The following ASIC2 variants were observed in gnomAD, a reference collection of about 807,000 sequenced individuals.
ASIC2 encodes acid-sensing ion channel 2.
In ASIC2, 25 loss-of-function variants were observed where a neutral mutation model predicts 57.3. The observed-to-expected ratio is 0.44, with a 90% confidence interval of 0.32 to 0.61. The LOEUF (loss-of-function observed/expected upper bound fraction) is 0.61. Among genes scored for constraint, ASIC2 ranks in the 20% least tolerant of loss-of-function variants. ASIC2 has a pLI of 0.06. For missense variants in ASIC2, 641 were observed against 738.1 expected, an observed-to-expected ratio of 0.87 and a Z score of 1.52; for synonymous variants, 319 against 307.5, an observed-to-expected ratio of 1.04 and a Z score of -0.39.
intron 1 of ASIC2, among the ~76,000 whole-genome samples, chr17:33,115,008 C>T (rs1454627744): frequency 6.6e-6 from 1 of 152,186 alleles, no homozygotes; most frequent in Admixed American, 6.5e-5. Context: ...GAATTGAAGG[C>T]TTTCCCTGTC....
intron 1 of ASIC2, among the ~76,000 whole-genome samples, chr17:33,379,913 T>C (rs536298934): frequency 1.1e-3 from 165 of 152,192 alleles, no homozygotes; most frequent in Non-Finnish European, 1.6e-3. Flanking sequence ...GAATTGAGTG[T>C]CTTGCACAGA....
At chr17:33,956,438 C>A (rs969094426) in intron 1 of ASIC2, among the ~76,000 whole-genome samples, 2 of 152,150 alleles carry the variant, frequency 1.3e-5, no homozygotes, top group Non-Finnish European at 2.9e-5. Flanking sequence ...GAAGGTGTCA[C>A]GGAAGCTCTG....
chr17:33,628,124 G>A (rs769434707), intron 1 of ASIC2, among the ~76,000 whole-genome samples: 2 of 152,206 alleles, frequency 1.3e-5, no homozygotes, highest in Non-Finnish European at 2.9e-5. Context: ...AGAAGCCAAA[G>A]GATGCCAATG....
At chr17:34,065,252 T>C (rs982845038) in intron 1 of ASIC2, among the ~76,000 whole-genome samples, 4 of 152,188 alleles carry the variant, frequency 2.6e-5, no homozygotes, top group Non-Finnish European at 4.4e-5. Context: ...TGGAGACTAT[T>C]ATTCTAGGCG....
At chr17:33,076,210 A>G (rs142036080) in intron 3 of ASIC2, among the ~76,000 whole-genome samples, 92 of 152,320 alleles carry the variant, frequency 6.0e-4, no homozygotes, top group Non-Finnish European at 1.0e-3. Flanking sequence ...AAAAAGGGAA[A>G]CTTCTGAGCC....
chr17:33,870,224 G>GTTTTTTTTTT (rs869267956), intron 1 of ASIC2, among the ~76,000 whole-genome samples: 7 of 50,116 alleles, frequency 1.4e-4, no homozygotes, highest in South Asian at 1.1e-3. Flanking sequence ...GAGAAATTCT[G>GTTTTTTTTTT]TTTTTTTTTT....
intron 1 of ASIC2, chr17:33,794,801 G>C (rs1277281843): frequency 6.6e-6 from 1 of 152,090 alleles, no homozygotes; most frequent in African/African-American, 2.4e-5. Flanking sequence ...TTGCCTTACA[G>C]CCTTTTATGA....
rs12945856 is a variant in ASIC2 at position 33,619,685 on chromosome 17, C to T, written c.556-507618G>A. Reference sequence around the variant, plus strand: ...CCATAACATCTCTTGCCGCACAGAGCGTCTCTGATTGTGTCACAGCAAGTC... The same window carrying T: ...CCATAACATCTCTTGCCGCACAGAGTGTCTCTGATTGTGTCACAGCAAGTC... On this transcript the variant is annotated intron_variant, in intron 1 of 9. Coordinates refer to the ASIC2 transcript ENST00000359872. Among the ~76,000 whole-genome samples, 1,104 of 152,276 alleles carry T rather than the reference C, an allele frequency of 7.2e-3. 8 individuals carry two copies. The highest frequency in any genetic ancestry group is 0.025 in the African/African-American group (1,032 of 41,546).
chr17:33,035,783 C>G (rs564673994), intron 3 of ASIC2, among the ~76,000 whole-genome samples: 1 of 152,214 alleles, frequency 6.6e-6, no homozygotes, highest in African/African-American at 2.4e-5. Context: ...TAGACTCTCT[C>G]CCTATCCACA....
intron 1 of ASIC2, among the ~76,000 whole-genome samples, chr17:33,933,375 C>A (rs1028468713): frequency 6.6e-6 from 1 of 152,322 alleles, no homozygotes. Flanking sequence ...GCCTCTGTCT[C>A]TTTTATTCAC....
intron 1 of ASIC2, among the ~76,000 whole-genome samples, chr17:33,834,858 C>G (rs981342009): frequency 6.6e-6 from 1 of 152,154 alleles, no homozygotes; most frequent in Non-Finnish European, 1.5e-5. Context: ...AGGCAGTGTC[C>G]TGTTCACCAT....
chr17:33,765,205 A>G (rs1259793700), intron 1 of ASIC2, among the ~76,000 whole-genome samples: 2 of 151,940 alleles, frequency 1.3e-5, no homozygotes, highest in East Asian at 3.9e-4. Context: ...TCCCGGGTTC[A>G]CGCCATTCTC....
At chr17:33,131,264 A>C (rs541034943) in intron 1 of ASIC2, among the ~76,000 whole-genome samples, 1 of 152,276 alleles carries the variant, frequency 6.6e-6, no homozygotes, top group African/African-American at 2.4e-5. Flanking sequence ...CAGGAGGAAA[A>C]AAATCTACAT....
At chr17:34,094,466 A>G (rs936553542) in intron 1 of ASIC2, among the ~76,000 whole-genome samples, 1 of 152,192 alleles carries the variant, frequency 6.6e-6, no homozygotes, top group Non-Finnish European at 1.5e-5. Context: ...TCCTCAATGG[A>G]TTGTGATCCA....
chr17:33,856,243 G>A (rs949132193), intron 1 of ASIC2, among the ~76,000 whole-genome samples: 4 of 152,214 alleles, frequency 2.6e-5, no homozygotes, highest in Non-Finnish European at 4.4e-5. Context: ...TGTACAATAG[G>A]AAAAAGCATC....
chr17:33,849,239 G>T (rs1398865183), intron 1 of ASIC2, among the ~76,000 whole-genome samples: 5 of 152,170 alleles, frequency 3.3e-5, no homozygotes. Context: ...TGGGATCCTG[G>T]AAGCACAGAG....
chr17:33,624,172 A>C (rs1256240454), intron 1 of ASIC2: 4 of 152,188 alleles, frequency 2.6e-5, no homozygotes, highest in Non-Finnish European at 5.9e-5. Context: ...TTTCGAAAAC[A>C]TCCTGCTCTG....
At chr17:33,815,791 A>G (rs1912560609) in intron 1 of ASIC2, among the ~76,000 whole-genome samples, 2 of 152,152 alleles carry the variant, frequency 1.3e-5, no homozygotes, top group South Asian at 4.1e-4. Context: ...GTGTTCCTAG[A>G]ATGCATCTAC....
intron 1 of ASIC2, among the ~76,000 whole-genome samples, chr17:33,884,428 T>A (rs776796554): frequency 6.6e-6 from 1 of 152,182 alleles, no homozygotes; most frequent in Non-Finnish European, 1.5e-5. Flanking sequence ...CCCTGATCCC[T>A]GCTTATACCT....
Sources: allele counts gnomAD v4.1 joint callset (sites outside exome capture counted in the v4.1 genomes callset), GRCh38; gene constraint gnomAD v4.1.1; transcripts MANE v1.5; gene names NCBI Gene and HGNC (gene_info 2026-07-23, HGNC 2026-07-21).